Variants in MAN2A1 observed in about 807,000 individuals in gnomAD.
MAN2A1 encodes mannosidase alpha class 2A member 1.
A neutral mutation model predicts 142.6 loss-of-function variants in MAN2A1; 76 were observed. The ratio of observed to expected loss-of-function variants is 0.53; its 90% CI spans 0.44 to 0.65. The LOEUF is 0.65. Ranked by LOEUF, MAN2A1 falls within the 30% of genes least tolerant of loss-of-function variation. MAN2A1 has a pLI of 0.00. For missense variants in MAN2A1, 1,311 were observed against 1,365.1 expected (o/e 0.96, Z 0.62); for synonymous variants, 559 against 473.2 (o/e 1.18, Z -2.35).
At chr5:109,838,114 A>G (rs951177039) in intron 16 of MAN2A1, among the ~76,000 whole-genome samples, 6 of 152,010 alleles carry the variant, frequency 3.9e-5, no homozygotes, top group Non-Finnish European at 7.4e-5. Flanking sequence ...CAGCATCTAT[A>G]GAACACTCTG....
intron 1 of MAN2A1, among the ~76,000 whole-genome samples, chr5:109,696,346 G>A (rs552038796): frequency 2.6e-5 from 4 of 152,130 alleles, no homozygotes; most frequent in African/African-American, 9.7e-5. Flanking sequence ...TGATCTGCCC[G>A]CCTTGACCTC....
intron 12 of MAN2A1, among the ~76,000 whole-genome samples, chr5:109,798,268 T>C (rs907797909): frequency 3.3e-5 from 5 of 152,196 alleles, no homozygotes; most frequent in Non-Finnish European, 2.9e-5. Flanking sequence ...TCAAGAAGAT[T>C]TAAAAAATAC....
Position 109,842,388 on chromosome 5 carries a change from G to C in MAN2A1, c.2627G>C (p.Arg876Pro), listed in dbSNP as rs771839530. The C allele has an allele frequency of 1.3e-6, 2 of 1,589,404 alleles. No individual in the cohort carries two copies. Among genetic ancestry groups the C allele is most frequent in the Non-Finnish European group, 1.7e-6 (2 of 1,159,274 alleles). The change falls in exon 17 of 22, where the codon CGT becomes CCT. Residue 876 changes from arginine to proline, a missense_variant. Arg to Pro is a moderately radical substitution (Grantham distance 103). Around this residue, in one of 3 missense-constraint regions of MAN2A1, gnomAD observed 890 missense variants for 920.5 expected, o/e 0.97. Transcript: ENST00000261483. ...GTGGACATCCGAAAAGTATATAACC[G>C]TGAGATTGCAATGAAAATTTCTTCT... ...NIVDIRKVYN[R>P]EIAMKISSDI...
chr5:109,759,708 A>T (rs1176556333), intron 5 of MAN2A1, among the ~76,000 whole-genome samples: 1 of 152,142 alleles, frequency 6.6e-6, no homozygotes, highest in African/African-American at 2.4e-5. Context: ...GCTATTTTAT[A>T]TTCCACCAAC....
At chr5:109,708,511 C>G (rs185263796) in intron 1 of MAN2A1, among the ~76,000 whole-genome samples, 3 of 144,520 alleles carry the variant, frequency 2.1e-5, no homozygotes, top group Admixed American at 6.9e-5. Context: ...ACTGATAGGA[C>G]ACACACACAC....
intron 1 of MAN2A1, 22 bp from the exon 2 acceptor site, chr5:109,713,498 G>A (rs1162468697): frequency 6.4e-7 from 1 of 1,570,850 alleles, no homozygotes; most frequent in Non-Finnish European, 8.6e-7. Flanking sequence ...TCATATAGCT[G>A]CCTTTTTCTT....
intron 11 of MAN2A1, 127 bp downstream of exon 11, chr5:109,789,175 AT>A: frequency 1.8e-6 from 1 of 557,268 alleles, no homozygotes; most frequent in Non-Finnish European, 3.1e-6. Flanking sequence ...ATTTGAAAGA[AT>A]TTTTATCACT....
At position 109,690,369 on chromosome 5, in the gene MAN2A1, G is replaced by C; in HGVS notation, c.-49G>C. 1 of 1,606,600 alleles carries C rather than the reference G, an allele frequency of 6.2e-7. No individual in the cohort carries two copies. Among genetic ancestry groups the C allele is most frequent in the Non-Finnish European group, 8.5e-7 (1 of 1,173,324 alleles). ...TGCTTCCTAGAGTCCACAGTGCGCT[G>C]TCTCCTTTGGCTGAGGAGAGTGTCC... On this transcript the variant is annotated 5_prime_UTR_variant, in exon 1 of 22. Coordinates refer to ENST00000261483, the MANE Select transcript of MAN2A1 (RefSeq NM_002372.4).
intron 1 of MAN2A1, among the ~76,000 whole-genome samples, chr5:109,712,897 C>G (rs1751342808): frequency 6.6e-6 from 1 of 152,128 alleles, no homozygotes; most frequent in African/African-American, 2.4e-5. Flanking sequence ...GTTTATGTTA[C>G]AGAGATGGCA....
chr5:109,841,295 C>A (rs1303162266), intron 16 of MAN2A1, among the ~76,000 whole-genome samples: 1 of 152,134 alleles, frequency 6.6e-6, no homozygotes, highest in Non-Finnish European at 1.5e-5. Context: ...CCCTCGCCCC[C>A]CTCCAACCCT....
At chr5:109,823,632 G>A (rs937988800) in intron 15 of MAN2A1, 91 bp from the exon 16 acceptor site, 17 of 684,792 alleles carry the variant, frequency 2.5e-5, no homozygotes, top group South Asian at 1.4e-4. Flanking sequence ...CAGGTGATAC[G>A]TATTTTCTAT....
intron 20 of MAN2A1, among the ~76,000 whole-genome samples, chr5:109,855,991 A>G (rs890453283): frequency 6.6e-6 from 1 of 152,204 alleles, no homozygotes; most frequent in Admixed American, 6.6e-5. Context: ...GATTCTGTGG[A>G]AAATATCTCA....
chr5:109,805,153 C>T (rs1284333977), intron 12 of MAN2A1, among the ~76,000 whole-genome samples: 5 of 152,222 alleles, frequency 3.3e-5, no homozygotes, highest in Middle Eastern at 3.4e-3. Flanking sequence ...TGAGGCAAAA[C>T]TCAGAGAAAG....
At chr5:109,710,840 G>A (rs1751280423) in intron 1 of MAN2A1, among the ~76,000 whole-genome samples, 1 of 152,100 alleles carries the variant, frequency 6.6e-6, no homozygotes, top group Non-Finnish European at 1.5e-5. Context: ...ATAGGCGCCT[G>A]CCACCATGTC....
At chr5:109,834,044 A>G (rs1273175643) in intron 16 of MAN2A1, among the ~76,000 whole-genome samples, 3 of 152,156 alleles carry the variant, frequency 2.0e-5, no homozygotes, top group African/African-American at 7.2e-5. Flanking sequence ...GGGAGAAGAA[A>G]TAGAGTGGTG....
intron 1 of MAN2A1, among the ~76,000 whole-genome samples, chr5:109,701,601 C>T (rs532766503): frequency 5.3e-5 from 8 of 152,166 alleles, no homozygotes; most frequent in East Asian, 1.9e-4. Flanking sequence ...CTAGATTATT[C>T]TGGTAGCTGT....
chr5:109,849,654 C>T (rs112504988), intron 19 of MAN2A1, among the ~76,000 whole-genome samples: 1 of 152,068 alleles, frequency 6.6e-6, no homozygotes, highest in African/African-American at 2.4e-5. Flanking sequence ...CACATCCACC[C>T]TGTTCTCTTT....
At position 109,764,773 on chromosome 5, in the gene MAN2A1, G is replaced by C. The variant is rs1027278781; in HGVS notation, c.836-2762G>C. ...ACTCTTTGACATCACTGCAGTGTTT[G>C]ATACTGATTTTTATCTTTTTTTGTA... is the stretch of plus-strand genomic sequence containing the variant. On this transcript the variant is annotated intron_variant, in intron 5 of 21. Transcript: ENST00000261483. Among the ~76,000 whole-genome samples the C allele has an allele frequency of 2.6e-5, 4 of 152,206 alleles. 1 individual carries two copies. Among genetic ancestry groups the C allele is most frequent in the Middle Eastern group, 3.4e-3 (1 of 294 alleles).
At chr5:109,774,276 T>A (rs1477392312) in intron 7 of MAN2A1, among the ~76,000 whole-genome samples, 1 of 152,174 alleles carries the variant, frequency 6.6e-6, no homozygotes, top group Non-Finnish European at 1.5e-5. Flanking sequence ...AGATTAACAT[T>A]TATTCCCTTT....
Sources: gnomAD v4.1 joint callset for allele counts (sites outside exome capture counted in the v4.1 genomes callset) on GRCh38, gnomAD v4.1.1 for gene constraint, gnomAD v4.1.1 regional missense constraint, MANE v1.5 for transcripts, NCBI Gene and HGNC (gene_info 2026-07-23, HGNC 2026-07-21) for gene names.